The following GIPC2 variants were observed in gnomAD, a reference collection of about 807,000 sequenced individuals.
The protein encoded by GIPC2 is PDZ domain-containing protein GIPC2.
A neutral mutation model predicts 30.6 loss-of-function variants in GIPC2; 30 were observed. The ratio of observed to expected loss-of-function variants is 0.98; its 90% CI spans 0.73 to 1.33. The LOEUF is 1.33. Ranked by LOEUF, GIPC2 falls within the 40% of genes most tolerant of loss-of-function variation. The pLI, the probability that GIPC2 is intolerant of heterozygous loss-of-function variation, is 0.00. For synonymous variants in GIPC2, 167 were observed against 150.0 expected (o/e 1.11, Z -0.83); for missense variants, 414 against 390.3 (o/e 1.06, Z -0.51).
At chr1:78,117,590 C>T (rs1030073344) in intron 3 of GIPC2, among the ~76,000 whole-genome samples, 3 of 152,178 alleles carry the variant, frequency 2.0e-5, no homozygotes, top group East Asian at 1.9e-4. Flanking sequence ...GGAGGCAGAG[C>T]TCAGGCTGTA....
At chr1:78,063,711 C>G (rs1216996209) in intron 1 of GIPC2, among the ~76,000 whole-genome samples, 1 of 151,806 alleles carries the variant, frequency 6.6e-6, no homozygotes, top group African/African-American at 2.4e-5. Flanking sequence ...ATGGTGAAAC[C>G]CATCTCTACT....
chr1:78,085,177 A>G (rs1661904180), intron 2 of GIPC2, among the ~76,000 whole-genome samples: 1 of 152,188 alleles, frequency 6.6e-6, no homozygotes, highest in African/African-American at 2.4e-5. Flanking sequence ...TTCTGCATCT[A>G]TTGAGATAAT....
At position 78,080,685 on chromosome 1, in the gene GIPC2, G is replaced by A. The variant is rs749129490; in HGVS notation, c.251G>A (p.Cys84Tyr). Residue 84 changes from cysteine (C) to tyrosine (Y), a missense_variant, in exon 2 of 6, where the codon TGC becomes TAC. Physicochemically the swap from Cys to Tyr is radical, Grantham distance 194 (BLOSUM62 -2). Transcript: ENST00000370759. ...TATTTTTCTTTGCAGATCTTATATT[G>A]CACTTTAAACACACCTAAAATTGAC... is the stretch of plus-strand genomic sequence containing the variant. ...FEISPSEILY[C>Y]TLNTPKIDME... 3 of 1,590,234 alleles carry A rather than the reference G, an allele frequency of 1.9e-6. No homozygotes were observed. In the African/African-American group the frequency reaches 4.0e-5, roughly 21 times the overall value.
chr1:78,129,744 T>TA (rs1196095433), intron 5 of GIPC2, among the ~76,000 whole-genome samples: 1 of 152,238 alleles, frequency 6.6e-6, no homozygotes, highest in Non-Finnish European at 1.5e-5. Context: ...CACATGGTCT[T>TA]GACCTAACTC....
At chr1:78,055,845 T>C (rs1025657659) in intron 1 of GIPC2, among the ~76,000 whole-genome samples, 2 of 152,166 alleles carry the variant, frequency 1.3e-5, no homozygotes, top group Non-Finnish European at 2.9e-5. Context: ...ATGCACATGG[T>C]AGATATTCTG....
chr1:78,078,045 G>A (rs913545524), intron 1 of GIPC2, among the ~76,000 whole-genome samples: 7 of 151,064 alleles, frequency 4.6e-5, no homozygotes, highest in Admixed American at 2.0e-4. Flanking sequence ...AAAATTAGCC[G>A]GGCGTAGTGG....
chr1:78,110,190 AAAAG>A (rs1662441155), intron 3 of GIPC2, among the ~76,000 whole-genome samples: 1 of 152,184 alleles, frequency 6.6e-6, no homozygotes, highest in Non-Finnish European at 1.5e-5. Flanking sequence ...TAAAAAAAAA[AAAAG>A]AAACAGCCTA....
intron 3 of GIPC2, among the ~76,000 whole-genome samples, chr1:78,117,940 C>CTCTTT (rs1001488050): frequency 1.3e-5 from 2 of 151,950 alleles, no homozygotes; most frequent in Admixed American, 6.6e-5. Flanking sequence ...TTCTCTCTCT[C>CTCTTT]TCTTTTCTTT....
chr1:78,114,120 C>T (rs1662523933), intron 3 of GIPC2, among the ~76,000 whole-genome samples: 2 of 152,170 alleles, frequency 1.3e-5, no homozygotes, highest in Admixed American at 1.3e-4. Context: ...ATTCCTGTGC[C>T]CTAAGTGACG....
intron 1 of GIPC2, among the ~76,000 whole-genome samples, chr1:78,054,537 C>T (rs553181952): frequency 6.6e-6 from 1 of 152,180 alleles, no homozygotes; most frequent in African/African-American, 2.4e-5. Flanking sequence ...CACACTCAAC[C>T]ATTCATTCTC....
At chr1:78,106,010 G>A (rs904188670) in intron 3 of GIPC2, among the ~76,000 whole-genome samples, 9 of 152,020 alleles carry the variant, frequency 5.9e-5, no homozygotes, top group Non-Finnish European at 1.2e-4. Flanking sequence ...TGAGGTGGGC[G>A]GATCACCTGA....
At chr1:78,132,698 T>TGTGTGTGTAG (rs1553146045) in intron 5 of GIPC2, among the ~76,000 whole-genome samples, 3 of 150,320 alleles carry the variant, frequency 2.0e-5, no homozygotes, top group Non-Finnish European at 3.0e-5. Flanking sequence ...TGTGTGTGTG[T>TGTGTGTGTAG]AGAGAGAGAA....
chr1:78,108,002 C>T (rs1008627210), intron 3 of GIPC2, among the ~76,000 whole-genome samples: 1 of 151,978 alleles, frequency 6.6e-6, no homozygotes, highest in Non-Finnish European at 1.5e-5. Flanking sequence ...CAACTCTTTA[C>T]ATTTGCAGGA....
At position 78,095,111 on chromosome 1, in the gene GIPC2, A is replaced by G; in HGVS notation, c.586A>G (p.Ile196Val). The change falls in exon 3 of 6, where the codon ATA becomes GTA. Residue 196 changes from isoleucine to valine, a missense_variant. Coordinates refer to ENST00000370759, the MANE Select transcript of GIPC2 (RefSeq NM_017655.6). ...KKEELFTMKL[I>V]EPKKAFEIEL... The stretch of plus-strand genomic sequence containing the variant: ...GGAGGAACTCTTTACTATGAAGTTA[A>G]TAGAACCTAAGAAGGCATTTGGTAA... The G allele has an allele frequency of 6.2e-7, 1 of 1,612,684 alleles. No homozygotes were observed. Among genetic ancestry groups the G allele is most frequent in the Non-Finnish European group, 8.5e-7 (1 of 1,178,856 alleles).
chr1:78,082,500 G>A (rs1427043446), intron 2 of GIPC2, among the ~76,000 whole-genome samples: 1 of 152,192 alleles, frequency 6.6e-6, no homozygotes, highest in Non-Finnish European at 1.5e-5. Flanking sequence ...GACTGGGAAA[G>A]TCATATGGGA....
chr1:78,108,902 C>T (rs867165707), intron 3 of GIPC2, among the ~76,000 whole-genome samples: 1 of 152,100 alleles, frequency 6.6e-6, no homozygotes, highest in African/African-American at 2.4e-5. Context: ...ATGGTAAACC[C>T]TACTAAACTG....
intron 1 of GIPC2, among the ~76,000 whole-genome samples, chr1:78,052,442 G>A (rs959275490): frequency 6.6e-6 from 1 of 152,034 alleles, no homozygotes; most frequent in African/African-American, 2.4e-5. Context: ...TTGAATAAAA[G>A]GATCCTCACC....
intron 1 of GIPC2, among the ~76,000 whole-genome samples, chr1:78,053,357 G>A (rs1661228726): frequency 6.6e-6 from 1 of 152,124 alleles, no homozygotes; most frequent in African/African-American, 2.4e-5. Flanking sequence ...ACCCTATCCA[G>A]AACAAACCCA....
At chr1:78,109,858 TAAAAA>T in intron 3 of GIPC2, among the ~76,000 whole-genome samples, 1 of 152,238 alleles carries the variant, frequency 6.6e-6, no homozygotes, top group East Asian at 1.9e-4. Context: ...TATGCAGCCA[TAAAAA>T]ATGATGAGTT....
Sources: allele counts gnomAD v4.1 joint callset (sites outside exome capture counted in the v4.1 genomes callset), GRCh38; gene constraint gnomAD v4.1.1; transcripts MANE v1.5; gene names NCBI Gene and HGNC (gene_info 2026-07-23, HGNC 2026-07-21).